ADK: variants seen among roughly 807,000 people sequenced by gnomAD.
ADK encodes adenosine kinase, also known as N6,N6-dimethyladenosine kinase.
In ADK, 24 loss-of-function variants were observed where a neutral mutation model predicts 44.7. That is an observed-to-expected ratio of 0.54 (90% confidence interval 0.39 to 0.76). The LOEUF is 0.76. Among genes scored for constraint, ADK ranks in the 30% least tolerant of loss-of-function variants. The pLI is 0.00. For missense variants in ADK, 321 were observed against 425.1 expected, an observed-to-expected ratio of 0.76 and a Z score of 2.15; for synonymous variants, 128 against 142.6, an observed-to-expected ratio of 0.90 and a Z score of 0.73.
intron 6 of ADK, among the ~76,000 whole-genome samples, chr10:74,406,745 A>T (rs920659215): frequency 1.3e-5 from 2 of 151,462 alleles, no homozygotes; most frequent in African/African-American, 4.9e-5. Context: ...CAGTGGTGCA[A>T]TCTTGGCTCA....
intron 3 of ADK, among the ~76,000 whole-genome samples, chr10:74,309,200 T>C (rs1456744698): frequency 6.6e-6 from 1 of 152,168 alleles, no homozygotes; most frequent in Admixed American, 6.6e-5. Context: ...CTCTTCACTT[T>C]TTCTATTGTT....
At chr10:74,258,732 CTGTTA>C in intron 3 of ADK, among the ~76,000 whole-genome samples, 1 of 152,120 alleles carries the variant, frequency 6.6e-6, no homozygotes, top group African/African-American at 2.4e-5. Flanking sequence ...AGGAATGTAG[CTGTTA>C]TGTTTACTGT....
chr10:74,448,132 C>A (rs760137592), intron 6 of ADK, among the ~76,000 whole-genome samples: 1 of 151,988 alleles, frequency 6.6e-6, no homozygotes, highest in Non-Finnish European at 1.5e-5. Flanking sequence ...GAGATCACGC[C>A]ACTGCACTCC....
intron 6 of ADK, among the ~76,000 whole-genome samples, chr10:74,434,097 G>A (rs1845100574): frequency 6.6e-6 from 1 of 152,072 alleles, no homozygotes; most frequent in South Asian, 2.1e-4. Flanking sequence ...AATCCAGAGG[G>A]AGAAATGATT....
chr10:74,168,774 G>A (rs1454403318), intron 1 of ADK, among the ~76,000 whole-genome samples: 2 of 151,174 alleles, frequency 1.3e-5, no homozygotes, highest in East Asian at 2.0e-4. Flanking sequence ...CACCACACCC[G>A]GCTAATTTGT....
chr10:74,313,181 A>G (rs1360937955), intron 3 of ADK, among the ~76,000 whole-genome samples: 2 of 152,030 alleles, frequency 1.3e-5, no homozygotes, highest in Admixed American at 6.6e-5. Context: ...AACATTTGAG[A>G]TATTTATGGA....
chr10:74,534,842 G>C (rs1849398766), intron 7 of ADK, among the ~76,000 whole-genome samples: 1 of 152,128 alleles, frequency 6.6e-6, no homozygotes. Flanking sequence ...GCTGCTCTCT[G>C]CTATACCACC....
At chr10:74,521,171 C>T (rs1589212094) in intron 6 of ADK, among the ~76,000 whole-genome samples, 3 of 151,842 alleles carry the variant, frequency 2.0e-5, no homozygotes, top group Non-Finnish European at 2.9e-5. Context: ...ACAGTCTTTG[C>T]GATCTAACAG....
chr10:74,319,762 A>G (rs542135401), intron 4 of ADK, among the ~76,000 whole-genome samples: 7 of 152,118 alleles, frequency 4.6e-5, no homozygotes, highest in African/African-American at 1.7e-4. Context: ...AGTTACTTTT[A>G]TTATTTACCA....
chr10:74,236,827 T>C (rs1396419014), intron 3 of ADK, among the ~76,000 whole-genome samples: 1 of 152,248 alleles, frequency 6.6e-6, no homozygotes, highest in African/African-American at 2.4e-5. Flanking sequence ...AAAATGTATA[T>C]GCCTTAATTT....
chr10:74,303,585 G>GTTTTTT (rs1282565148), intron 3 of ADK, among the ~76,000 whole-genome samples: 2,767 of 64,538 alleles, frequency 0.043, 633 homozygotes, highest in Non-Finnish European at 0.051. Flanking sequence ...TGGTTTTAAT[G>GTTTTTT]TTGTTTTTTT....
At chr10:74,443,330 T>C (rs1845486976) in intron 6 of ADK, among the ~76,000 whole-genome samples, 1 of 152,186 alleles carries the variant, frequency 6.6e-6, no homozygotes, top group Admixed American at 6.5e-5. Flanking sequence ...AAGAAAAATG[T>C]ATTATATCCA....
At chr10:74,395,264 CT>C (rs1843468364) in intron 5 of ADK, among the ~76,000 whole-genome samples, 1 of 151,998 alleles carries the variant, frequency 6.6e-6, no homozygotes, top group African/African-American at 2.4e-5. Flanking sequence ...TTTCTTCCCC[CT>C]CTCCACCACG....
At chr10:74,237,534 C>T (rs1443927127) in intron 3 of ADK, among the ~76,000 whole-genome samples, 6 of 152,160 alleles carry the variant, frequency 3.9e-5, no homozygotes, top group South Asian at 2.1e-4. Flanking sequence ...CCATGAATCA[C>T]GAATGTTCTT....
chr10:74,515,748 G>A (rs1848544203), intron 6 of ADK, among the ~76,000 whole-genome samples: 1 of 152,160 alleles, frequency 6.6e-6, no homozygotes. Flanking sequence ...CTTAGAGAAG[G>A]GAGCCCAGCA....
intron 2 of ADK, among the ~76,000 whole-genome samples, chr10:74,213,904 A>T (rs527349150): frequency 6.6e-6 from 1 of 152,356 alleles, no homozygotes; most frequent in South Asian, 2.1e-4. Flanking sequence ...ATATCTTCCA[A>T]TTCCAAATTT....
At chr10:74,584,655 T>C (rs573485000) in intron 7 of ADK, among the ~76,000 whole-genome samples, 12 of 152,356 alleles carry the variant, frequency 7.9e-5, no homozygotes, top group African/African-American at 2.9e-4. Flanking sequence ...GTTATAGTAT[T>C]ATTGAGTCAA....
At chr10:74,438,232 CTTT>C (rs796123870) in intron 6 of ADK, among the ~76,000 whole-genome samples, 3 of 142,774 alleles carry the variant, frequency 2.1e-5, no homozygotes, top group Non-Finnish European at 1.5e-5. Context: ...CTCTCTCTCT[CTTT>C]TTTTTTTTTT....
At chr10:74,221,711 A>G (rs1342997946) in intron 2 of ADK, among the ~76,000 whole-genome samples, 1 of 146,408 alleles carries the variant, frequency 6.8e-6, no homozygotes, top group Non-Finnish European at 1.5e-5. Context: ...CTCAGAAATA[A>G]CGCCGCATAT....
Sources: allele counts gnomAD v4.1 joint callset (sites outside exome capture counted in the v4.1 genomes callset), GRCh38; gene constraint gnomAD v4.1.1; transcripts MANE v1.5; gene names NCBI Gene and HGNC (gene_info 2026-07-23, HGNC 2026-07-21).